The following NEBL variants were observed in gnomAD, a reference collection of about 807,000 sequenced individuals.
NEBL encodes nebulette.
NEBL carries 122 observed loss-of-function variants against 140.2 expected under a neutral mutation model. The observed-to-expected ratio is 0.87, with a 90% CI of 0.75 to 1.01. The LOEUF is 1.01. Ranked by LOEUF, NEBL falls within the 50% of genes least tolerant of loss-of-function variation. The pLI is 0.00. For synonymous variants in NEBL, 436 were observed against 398.9 expected (o/e 1.09, Z -1.11); for missense variants, 1,365 against 1,231.3 (o/e 1.11, Z -1.62).
chr10:21,118,972 T>TA (rs898681487), intron 2 of NEBL, among the ~76,000 whole-genome samples: 1 of 152,180 alleles, frequency 6.6e-6, no homozygotes, highest in Non-Finnish European at 1.5e-5. Flanking sequence ...CAATCATTCT[T>TA]ACAACAATCT....
chr10:21,082,761 A>AT (rs71392113), intron 2 of NEBL, among the ~76,000 whole-genome samples: 13,817 of 109,042 alleles, frequency 0.13, 1,212 homozygotes, highest in South Asian at 0.17. Context: ...GGAGGGATGC[A>AT]TTTTTTTTTT....
At chr10:20,912,607 G>A (rs1049776989) in intron 4 of NEBL, among the ~76,000 whole-genome samples, 6 of 151,764 alleles carry the variant, frequency 4.0e-5, no homozygotes, top group African/African-American at 1.2e-4. Context: ...ATCTCTTGCC[G>A]GCCTCTAGGT....
intron 2 of NEBL, among the ~76,000 whole-genome samples, chr10:21,171,340 AAAAAAAAAAG>A (rs1841066118): frequency 1.1e-5 from 1 of 94,228 alleles, no homozygotes; most frequent in South Asian, 3.6e-4. Context: ...TGTCTCAAAA[AAAAAAAAAAG>A]AAAAAAAAAA....
chr10:20,813,055 T>A, intron 23 of NEBL, 115 bp from the exon 24 acceptor site: 1 of 864,678 alleles, frequency 1.2e-6, no homozygotes, highest in Middle Eastern at 3.3e-4. Flanking sequence ...TCTACATGTA[T>A]GTATCTTTTC....
At chr10:20,977,154 TC>T (rs1708559932) in intron 3 of NEBL, among the ~76,000 whole-genome samples, 1 of 152,114 alleles carries the variant, frequency 6.6e-6, no homozygotes, top group Admixed American at 6.5e-5. Context: ...GCATCTACCT[TC>T]CAAAGGCCGA....
intron 26 of NEBL, among the ~76,000 whole-genome samples, chr10:20,789,549 CTT>C: frequency 6.6e-6 from 1 of 152,242 alleles, no homozygotes; most frequent in East Asian, 1.9e-4. Flanking sequence ...CTCATTTTGG[CTT>C]TCAAAAAATA....
intron 2 of NEBL, chr10:21,030,259 G>T (rs530455700): frequency 5.1e-6 from 3 of 593,846 alleles, no homozygotes; most frequent in East Asian, 8.8e-5. Context: ...AACCGGAGAG[G>T]CACCCAAGCT....
rs115385706 is a variant in NEBL at position 20,913,829 on chromosome 10, G to A, written c.357+47843C>T. Reference sequence around the variant, plus strand: ...TTTGTTTATACAATCATATATATGAGACAATGAATATTTATGCTCATGTAC... The same window carrying A: ...TTTGTTTATACAATCATATATATGAAACAATGAATATTTATGCTCATGTAC... On this transcript the variant is annotated intron_variant, in intron 4 of 6. Coordinates refer to the NEBL transcript ENST00000417816. Among the ~76,000 whole-genome samples the A allele has an allele frequency of 2.0e-3, 310 of 152,258 alleles. 3 individuals carry two copies. The highest frequency in any genetic ancestry group is 7.0e-3 in the African/African-American group (292 of 41,550).
intron 3 of NEBL, among the ~76,000 whole-genome samples, chr10:21,006,301 G>T (rs572604488): frequency 6.6e-6 from 1 of 152,296 alleles, no homozygotes; most frequent in East Asian, 1.9e-4. Flanking sequence ...GAGATTCCCA[G>T]GAGTGGAATT....
chr10:20,881,451 C>T (rs1846008631), intron 4 of NEBL, among the ~76,000 whole-genome samples: 1 of 152,082 alleles, frequency 6.6e-6, no homozygotes, highest in African/African-American at 2.4e-5. Flanking sequence ...CATCCATTAC[C>T]ACCATGTTGA....
rs369475722 is a variant in NEBL at position 21,046,507 on chromosome 10, CAAAT to C, written c.165-26310_165-26307del. 3.5e-3 allele frequency among the ~76,000 whole-genome samples: 538 copies of C among 152,268 alleles called. 2 individuals carry two copies. The highest frequency in any genetic ancestry group is 0.012 in the African/African-American group (509 of 41,552). On this transcript the variant is annotated intron_variant, in intron 2 of 6. Coordinates refer to the NEBL transcript ENST00000417816. ...CTTCTCTATTCTAAAAAATAATTAA[CAAAT>C]AAAGGCAGACATATGACTTTTCATT...
intron 3 of NEBL, among the ~76,000 whole-genome samples, chr10:21,017,074 C>T (rs535474906): frequency 6.6e-6 from 1 of 152,288 alleles, no homozygotes; most frequent in South Asian, 2.1e-4. Flanking sequence ...GTGTGGACAT[C>T]GAGGGCTCAG....
At chr10:21,035,401 C>G (rs618568) in intron 2 of NEBL, among the ~76,000 whole-genome samples, 114,433 of 151,734 alleles carry the variant, frequency 0.75, 43,437 homozygotes, top group East Asian at 0.98. Context: ...TGTGTACAAC[C>G]TTGTCAACTA....
chr10:21,004,538 G>A (rs1838039907), intron 3 of NEBL, among the ~76,000 whole-genome samples: 1 of 152,144 alleles, frequency 6.6e-6, no homozygotes, highest in African/African-American at 2.4e-5. Context: ...GGCTAACACA[G>A]TGAAACCCCA....
At chr10:21,282,523 A>G (rs930415607) in intron 1 of NEBL, among the ~76,000 whole-genome samples, 1 of 152,150 alleles carries the variant, frequency 6.6e-6, no homozygotes, top group Non-Finnish European at 1.5e-5. Context: ...GGGGAAAAAA[A>G]AGAAGAAGAA....
Position 20,880,780 on chromosome 10 carries a change from A to G in NEBL, c.480+14T>C. 1 of 1,581,512 alleles carries G rather than the reference A, an allele frequency of 6.3e-7. No individual in the cohort carries two copies. On this transcript the variant is annotated intron_variant, in intron 5 of 27. Transcript: ENST00000377122. ...ACAGTTCGCTAGAAAATCATGAGAAATGCGCTTCCTTACATTACTCTGGTG... is the reference window on the plus strand; with the variant it reads ...ACAGTTCGCTAGAAAATCATGAGAAGTGCGCTTCCTTACATTACTCTGGTG...
chr10:20,836,842 G>A (rs1840940760), intron 13 of NEBL, among the ~76,000 whole-genome samples: 1 of 152,002 alleles, frequency 6.6e-6, no homozygotes, highest in Admixed American at 6.6e-5. Context: ...TCATGGCCAT[G>A]GGACAAGGAC....
intron 2 of NEBL, among the ~76,000 whole-genome samples, chr10:21,057,010 G>A (rs985685265): frequency 4.0e-5 from 6 of 151,850 alleles, no homozygotes; most frequent in Non-Finnish European, 7.4e-5. Flanking sequence ...ATCAAATAAA[G>A]TATTATTTAA....
At chr10:20,992,393 T>C (rs1837491672) in intron 3 of NEBL, among the ~76,000 whole-genome samples, 1 of 152,196 alleles carries the variant, frequency 6.6e-6, no homozygotes. Context: ...ATGAATTAGA[T>C]GGACCCATAA....
Sources: gnomAD v4.1 joint callset for allele counts (sites outside exome capture counted in the v4.1 genomes callset) on GRCh38, gnomAD v4.1.1 for gene constraint, MANE v1.5 for transcripts, NCBI Gene and HGNC (gene_info 2026-07-23, HGNC 2026-07-21) for gene names.